FHOD3: variants seen among roughly 807,000 people sequenced by gnomAD.
FHOD3 encodes formin homology 2 domain containing 3.
In FHOD3, 90 loss-of-function variants were observed where a neutral mutation model predicts 173.0. The ratio of observed to expected loss-of-function variants is 0.52; its 90% CI spans 0.44 to 0.62. The LOEUF is 0.62. FHOD3 is among the 20% of genes least tolerant of loss of function. The pLI is 0.00. For missense variants in FHOD3, 1,945 were observed against 2,034.7 expected (o/e 0.96, Z 0.85); for synonymous variants, 828 against 823.0 (o/e 1.01, Z -0.10).
intron 5 of FHOD3, among the ~76,000 whole-genome samples, chr18:36,557,454 G>A (rs1180743863): frequency 4.0e-5 from 6 of 151,198 alleles, no homozygotes; most frequent in South Asian, 2.1e-4. Context: ...TGTAATTTTC[G>A]TCTTGGAAAT....
intron 3 of FHOD3, among the ~76,000 whole-genome samples, chr18:36,463,568 G>A (rs978129568): frequency 2.1e-5 from 3 of 140,870 alleles, no homozygotes; most frequent in Admixed American, 1.4e-4. Context: ...GTGTTATCTC[G>A]GCTTACTGCA....
chr18:36,665,597 T>G (rs2037128681), intron 14 of FHOD3, among the ~76,000 whole-genome samples: 1 of 147,468 alleles, frequency 6.8e-6, no homozygotes. Context: ...GGCAGGGAGG[T>G]TAAGAGGGGG....
chr18:36,692,516 CAGTT>C (rs1294767485), intron 16 of FHOD3, among the ~76,000 whole-genome samples: 10 of 152,208 alleles, frequency 6.6e-5, no homozygotes, highest in Admixed American at 1.3e-4. Context: ...TCTTAATAAA[CAGTT>C]AGTGGGTTCT....
chr18:36,647,405 C>T (rs190198744), intron 10 of FHOD3, among the ~76,000 whole-genome samples: 4 of 152,294 alleles, frequency 2.6e-5, no homozygotes, highest in African/African-American at 7.2e-5. Context: ...CACAGTGAGA[C>T]ATCACTACAC....
At chr18:36,612,195 C>T (rs1382368111) in intron 9 of FHOD3, 100 bp downstream of exon 9, 3 of 1,293,250 alleles carry the variant, frequency 2.3e-6, no homozygotes, top group South Asian at 1.5e-5. Context: ...GTATGAGCAC[C>T]ACCAGCTTAT....
chr18:36,595,983 G>A (rs530676144), intron 7 of FHOD3, among the ~76,000 whole-genome samples: 22 of 152,202 alleles, frequency 1.4e-4, no homozygotes, highest in African/African-American at 5.3e-4. Flanking sequence ...TTCACCTCTA[G>A]TTTCAACAAA....
intron 10 of FHOD3, among the ~76,000 whole-genome samples, chr18:36,628,218 T>A (rs190486440): frequency 2.2e-3 from 340 of 152,288 alleles, no homozygotes; most frequent in African/African-American, 7.0e-3. Flanking sequence ...TTAACCTCAT[T>A]GTACAAGTGA....
intron 3 of FHOD3, among the ~76,000 whole-genome samples, chr18:36,420,098 C>T (rs751262874): frequency 1.3e-5 from 2 of 152,182 alleles, no homozygotes; most frequent in Non-Finnish European, 1.5e-5. Context: ...TCTTGGAATG[C>T]GGAGCCTGGA....
At chr18:36,607,535 T>C (rs1045697430) in intron 8 of FHOD3, among the ~76,000 whole-genome samples, 1 of 152,188 alleles carries the variant, frequency 6.6e-6, no homozygotes, top group East Asian at 1.9e-4. Flanking sequence ...ATAATCCTTT[T>C]AGCAAATGGT....
At chr18:36,737,672 C>T (rs573088876) in intron 20 of FHOD3, among the ~76,000 whole-genome samples, 28 of 152,304 alleles carry the variant, frequency 1.8e-4, no homozygotes, top group African/African-American at 6.3e-4. Context: ...TGCAGTTTTG[C>T]ATCACTGGCT....
intron 5 of FHOD3, among the ~76,000 whole-genome samples, chr18:36,564,179 C>A (rs1403870618): frequency 6.6e-6 from 1 of 152,146 alleles, no homozygotes; most frequent in Non-Finnish European, 1.5e-5. Flanking sequence ...CTGGTTCATT[C>A]CACCTGTGGC....
At chr18:36,396,387 A>G (rs2048556223) in intron 3 of FHOD3, among the ~76,000 whole-genome samples, 2 of 152,148 alleles carry the variant, frequency 1.3e-5, no homozygotes, top group Non-Finnish European at 2.9e-5. Flanking sequence ...TTCTTTGCCT[A>G]CCTGCAGTGA....
intron 16 of FHOD3, among the ~76,000 whole-genome samples, chr18:36,688,892 G>A (rs1331733329): frequency 6.6e-6 from 1 of 152,144 alleles, no homozygotes; most frequent in Non-Finnish European, 1.5e-5. Context: ...CTTATGTCTG[G>A]CAAACTCGTA....
Position 36,742,792 on chromosome 18 carries a change from A to G in FHOD3, c.3815A>G (p.Asn1272Ser), listed in dbSNP as rs370786413. The change falls in exon 22 of 29, where the codon AAT (asparagine) becomes AGT (serine). Residue 1272 changes from asparagine to serine, a missense_variant. By Grantham distance (46) the Asn-to-Ser change is conservative. Coordinates refer to ENST00000590592, the MANE Select transcript of FHOD3 (RefSeq NM_001281740.3). ...GAAGGAATAGACCAGTTGGAGAACA[A>G]TAAAACCTTGGGCTTTATCCTGTCT... ...LKEGIDQLEN[N>S]KTLGFILSTL... 6.8e-6 allele frequency: 11 copies of G among 1,613,974 alleles called. No individual in the cohort carries two copies. Among genetic ancestry groups the G allele is most frequent in the African/African-American group, 2.7e-5 (2 of 74,932 alleles).
At chr18:36,677,802 T>C (rs1438621424) in intron 14 of FHOD3, among the ~76,000 whole-genome samples, 4 of 152,232 alleles carry the variant, frequency 2.6e-5, no homozygotes, top group African/African-American at 4.8e-5. Flanking sequence ...GGATATTGAT[T>C]TGAAATTGTA....
chr18:36,344,941 T>C (rs796642943), intron 1 of FHOD3, among the ~76,000 whole-genome samples: 2 of 152,210 alleles, frequency 1.3e-5, no homozygotes, highest in African/African-American at 4.8e-5. Context: ...AAGGAGGAAA[T>C]CTCATAGTGC....
chr18:36,327,399 C>T (rs769376331), intron 1 of FHOD3, among the ~76,000 whole-genome samples: 25 of 152,174 alleles, frequency 1.6e-4, no homozygotes, highest in Non-Finnish European at 2.5e-4. Flanking sequence ...CGGCTTTTGC[C>T]GTTACTTTCA....
At chr18:36,579,166 C>A (rs1037306457) in intron 6 of FHOD3, among the ~76,000 whole-genome samples, 6 of 152,114 alleles carry the variant, frequency 3.9e-5, no homozygotes, top group African/African-American at 1.2e-4. Flanking sequence ...TCATTTGGAA[C>A]CTGCTCCCTC....
At chr18:36,755,413 T>G in intron 25 of FHOD3, 102 bp downstream of exon 25, 1 of 862,398 alleles carries the variant, frequency 1.2e-6, no homozygotes, top group African/African-American at 1.8e-5. Flanking sequence ...TTTTTTTTTT[T>G]TTTTTTTTTT....
Sources: allele counts gnomAD v4.1 joint callset (sites outside exome capture counted in the v4.1 genomes callset), GRCh38; gene constraint gnomAD v4.1.1; transcripts MANE v1.5; gene names NCBI Gene and HGNC (gene_info 2026-07-23, HGNC 2026-07-21).